CSMD3: variants seen among roughly 807,000 people sequenced by gnomAD.
CSMD3 encodes the protein CUB and Sushi multiple domains 3, also known as CUB and sushi domain-containing protein 3.
CSMD3 carries 177 observed loss-of-function variants against 435.2 expected under a neutral mutation model. The ratio of observed to expected loss-of-function variants is 0.41; its 90% confidence interval spans 0.36 to 0.46. The LOEUF is 0.46. CSMD3 is among the 20% of genes least tolerant of loss of function. CSMD3 has a pLI of 0.34. For missense variants in CSMD3, 4,265 were observed against 4,504.6 expected, an observed-to-expected ratio of 0.95 and a Z score of 1.52; for synonymous variants, 1,656 against 1,520.5, an observed-to-expected ratio of 1.09 and a Z score of -2.07.
At chr8:113,356,143 A>G (rs1297518907) in intron 1 of CSMD3, among the ~76,000 whole-genome samples, 1 of 152,036 alleles carries the variant, frequency 6.6e-6, no homozygotes, top group African/African-American at 2.4e-5. Flanking sequence ...ATACCACTTA[A>G]AAAAACTATA....
intron 2 of CSMD3, among the ~76,000 whole-genome samples, chr8:113,298,092 C>G (rs1348420282): frequency 6.6e-6 from 1 of 151,576 alleles, no homozygotes; most frequent in Non-Finnish European, 1.5e-5. Context: ...ATAGTAAGAG[C>G]AATTAGAAGG....
chr8:113,310,828 GAATT>G (rs1205132091), intron 2 of CSMD3: 10 of 151,228 alleles, frequency 6.6e-5, no homozygotes, highest in Admixed American at 2.0e-4. Flanking sequence ...GCTAATACGT[GAATT>G]AATTATAAAA....
intron 32 of CSMD3, among the ~76,000 whole-genome samples, chr8:112,442,347 T>C (rs1037193550): frequency 1.3e-5 from 2 of 152,220 alleles, no homozygotes; most frequent in African/African-American, 2.4e-5. Flanking sequence ...ATCCAAACTA[T>C]ATCAGCATGA....
chr8:112,729,801 C>T (rs1371518391), intron 13 of CSMD3, among the ~76,000 whole-genome samples: 1 of 151,982 alleles, frequency 6.6e-6, no homozygotes. Flanking sequence ...CTGGGGCAAC[C>T]ACTATAAACT....
intron 1 of CSMD3, among the ~76,000 whole-genome samples, chr8:113,406,262 C>A (rs988842472): frequency 6.6e-6 from 1 of 151,540 alleles, no homozygotes; most frequent in Non-Finnish European, 1.5e-5. Context: ...TTTGAAGTAC[C>A]CTGGATCATG....
At chr8:112,937,779 A>T (rs1319799251) in intron 9 of CSMD3, among the ~76,000 whole-genome samples, 2 of 152,272 alleles carry the variant, frequency 1.3e-5, no homozygotes, top group African/African-American at 4.8e-5. Flanking sequence ...CTGTTTCTGT[A>T]TTGTCTGTAT....
intron 1 of CSMD3, among the ~76,000 whole-genome samples, chr8:113,410,809 G>T (rs1204561842): frequency 2.0e-5 from 3 of 151,198 alleles, no homozygotes; most frequent in African/African-American, 7.3e-5. Context: ...GGGAGGCTTA[G>T]GTGGAGGATC....
At chr8:112,890,858 GCAGT>G in intron 10 of CSMD3, among the ~76,000 whole-genome samples, 1 of 151,726 alleles carries the variant, frequency 6.6e-6, no homozygotes, top group African/African-American at 2.4e-5. Context: ...TATAAATGGA[GCAGT>G]CAGTTAATGT....
chr8:112,320,664 C>T lies in CSMD3; in HGVS notation c.7166-683G>A, dbSNP rs1209435929. 9.5e-5 allele frequency among the ~76,000 whole-genome samples: 14 copies of T among 147,422 alleles called. No individual in the cohort carries two copies. The East Asian group carries it at 1.2e-3, about 13-fold the overall frequency. ...CTCCCCTCCACCCCACGACAGGCCC[C>T]GGTGGGTGTGTGATGTTCCCCTTCG... is the stretch of plus-strand genomic sequence containing the variant. On this transcript the variant is annotated intron_variant, in intron 45 of 70. Coordinates refer to ENST00000297405, the MANE Select transcript of CSMD3 (RefSeq NM_198123.2).
chr8:112,748,763 C>T (rs1405909769), intron 13 of CSMD3, among the ~76,000 whole-genome samples: 1 of 152,038 alleles, frequency 6.6e-6, no homozygotes, highest in East Asian at 1.9e-4. Context: ...AAGTTGATTC[C>T]ATGTCTTTAC....
At chr8:113,076,836 A>C (rs2089358580) in intron 5 of CSMD3, among the ~76,000 whole-genome samples, 1 of 152,198 alleles carries the variant, frequency 6.6e-6, no homozygotes. Context: ...CTATAATGTC[A>C]CTGGAAGCAC....
At chr8:113,240,351 C>A (rs941622556) in intron 3 of CSMD3, among the ~76,000 whole-genome samples, 5 of 152,080 alleles carry the variant, frequency 3.3e-5, no homozygotes, top group Non-Finnish European at 5.9e-5. Context: ...AGAACAATTT[C>A]TTTTCCTTTG....
chr8:112,761,161 C>T (rs1443937296), intron 13 of CSMD3, among the ~76,000 whole-genome samples: 1 of 151,958 alleles, frequency 6.6e-6, no homozygotes, highest in Non-Finnish European at 1.5e-5. Context: ...AGAGCCAACT[C>T]GAGATGTAGT....
intron 6 of CSMD3, among the ~76,000 whole-genome samples, chr8:112,981,872 A>G (rs1233871578): frequency 2.0e-5 from 3 of 151,794 alleles, no homozygotes; most frequent in Non-Finnish European, 3.0e-5. Context: ...GTTTTGGTGA[A>G]CCATGACAAA....
At chr8:112,463,007 T>G (rs1817608141) in intron 32 of CSMD3, among the ~76,000 whole-genome samples, 1 of 152,170 alleles carries the variant, frequency 6.6e-6, no homozygotes, top group Non-Finnish European at 1.5e-5. Context: ...GAAAGTCTCA[T>G]TTTGTGAGTA....
At chr8:112,550,629 C>T (rs755557242) in intron 27 of CSMD3, 42 bp downstream of exon 27, 3 of 1,041,082 alleles carry the variant, frequency 2.9e-6, no homozygotes, top group Admixed American at 1.7e-5. Flanking sequence ...ATTTACATCA[C>T]CTTCCTATTT....
intron 3 of CSMD3, among the ~76,000 whole-genome samples, chr8:113,190,382 A>T (rs1298515215): frequency 2.6e-5 from 4 of 151,922 alleles, no homozygotes; most frequent in African/African-American, 9.7e-5. Context: ...GGTAGTGGAA[A>T]GTCTGAGAAA....
intron 3 of CSMD3, among the ~76,000 whole-genome samples, chr8:113,204,663 T>G (rs897895690): frequency 4.6e-5 from 7 of 152,128 alleles, no homozygotes; most frequent in Admixed American, 6.6e-5. Flanking sequence ...GTAAGTGCCC[T>G]CTACAGGTGT....
At position 112,647,518 on chromosome 8, in the gene CSMD3, G is replaced by A. The variant is rs200777337; in HGVS notation, c.3194-2293C>T. ...GAGACAGGTTTCACTGTGTTAGCCAGGATGGTCTCGATCTCCTGATCTCAT... is the reference window on the plus strand; with the variant it reads ...GAGACAGGTTTCACTGTGTTAGCCAAGATGGTCTCGATCTCCTGATCTCAT... On this transcript the variant is annotated intron_variant, in intron 19 of 70. Coordinates refer to ENST00000297405, the MANE Select transcript of CSMD3 (RefSeq NM_198123.2). Among the ~76,000 whole-genome samples, 21 of 152,182 alleles carry A rather than the reference G, an allele frequency of 1.4e-4. No individual in the cohort carries two copies. In the East Asian group the frequency reaches 3.9e-3, roughly 28 times the overall value.
Sources: allele counts gnomAD v4.1 joint callset (sites outside exome capture counted in the v4.1 genomes callset), GRCh38; gene constraint gnomAD v4.1.1; transcripts MANE v1.5; gene names NCBI Gene and HGNC (gene_info 2026-07-23, HGNC 2026-07-21).